Variants in ERBIN observed in about 807,000 individuals in gnomAD.
ERBIN encodes erbb2 interacting protein.
In ERBIN, 60 loss-of-function variants were observed where a neutral mutation model predicts 158.4. The observed-to-expected ratio is 0.38, with a 90% CI of 0.31 to 0.47. The LOEUF is 0.47. Ranked by LOEUF, ERBIN falls within the 20% of genes least tolerant of loss-of-function variation. The pLI, the probability that ERBIN is intolerant of heterozygous loss-of-function variation, is 0.99. For synonymous variants in ERBIN, 594 were observed against 557.2 expected, an observed-to-expected ratio of 1.07 and a Z score of -0.93; for missense variants, 1,610 against 1,648.0, an observed-to-expected ratio of 0.98 and a Z score of 0.40.
At chr5:65,996,346 C>A (rs1206231377) in intron 4 of ERBIN, among the ~76,000 whole-genome samples, 2 of 140,936 alleles carry the variant, frequency 1.4e-5, no homozygotes, top group Non-Finnish European at 1.5e-5. Context: ...GGTTTAATTT[C>A]ATTCTTCTGC....
chr5:65,977,554 C>T (rs1276002061), intron 1 of ERBIN, among the ~76,000 whole-genome samples: 6 of 146,234 alleles, frequency 4.1e-5, no homozygotes, highest in East Asian at 4.2e-4. Context: ...ACATCTCAGA[C>T]GATGGGCGGC....
At chr5:65,929,500 AC>A (rs1743092528) in intron 1 of ERBIN, among the ~76,000 whole-genome samples, 1 of 151,812 alleles carries the variant, frequency 6.6e-6, no homozygotes, top group Non-Finnish European at 1.5e-5. Flanking sequence ...CTCCTTACAT[AC>A]CCTACTTGGC....
chr5:66,025,576 A>G (rs1362251247), intron 11 of ERBIN, 24 bp downstream of exon 11: 1 of 1,530,424 alleles, frequency 6.5e-7, no homozygotes, highest in South Asian at 1.1e-5. Context: ...GAATGTATAC[A>G]CCCTCGAAGA....
At chr5:65,953,588 C>T (rs1561288742) in intron 1 of ERBIN, among the ~76,000 whole-genome samples, 1 of 152,140 alleles carries the variant, frequency 6.6e-6, no homozygotes, top group African/African-American at 2.4e-5. Context: ...GAAAATTCAA[C>T]TGGGATTTAT....
In ERBIN at chr5:66,044,296, G is replaced by T. The variant is rs748519248; in HGVS notation, c.1588G>T (p.Asp530Tyr). The T allele has an allele frequency of 1.3e-4, 209 of 1,591,628 alleles. No homozygotes were observed. Among genetic ancestry groups the T allele is most frequent in the Admixed American group, 2.8e-4 (15 of 53,298 alleles). Reference sequence around the variant, plus strand: ...TGAAGATCAACAAGATATAAATAAAGATGTGGGTGTGAAGGTTAGAAAATT... The same window carrying T: ...TGAAGATCAACAAGATATAAATAAATATGTGGGTGTGAAGGTTAGAAAATT... ...PHEDQQDINK[D>Y]VGVKTSESTT... Residue 530 changes from aspartate (D) to tyrosine (Y), a missense_variant, in exon 17 of 26, where the codon GAT becomes TAT. By Grantham distance (160) the Asp-to-Tyr change is radical. Coordinates refer to ENST00000284037, the MANE Select transcript of ERBIN (RefSeq NM_001253697.2).
intron 4 of ERBIN, among the ~76,000 whole-genome samples, chr5:66,002,900 T>C (rs960096487): frequency 1.3e-5 from 2 of 152,250 alleles, no homozygotes; most frequent in African/African-American, 4.8e-5. Context: ...TTATTTAAGA[T>C]AATGAAAGAA....
chr5:66,026,325 TG>T lies in ERBIN; in HGVS notation c.1045del (p.Val349CysfsTer22), dbSNP rs1363100579. On this transcript the variant is annotated frameshift_variant, in exon 13 of 26. Coordinates refer to ENST00000284037, the MANE Select transcript of ERBIN (RefSeq NM_001253697.2). LOFTEE classifies it high-confidence loss of function. ...PEIGSWKNIT[V>X]LFLHSNKLET... is the part of the protein sequence containing the mutation. ...AGATTGGAAGCTGGAAAAATATAAC[TG>T]TGCTGTTTCTCCATTCCAATAAACT... 6.3e-7 allele frequency: 1 copy of T among 1,590,978 alleles called. No homozygotes were observed. The highest frequency in any genetic ancestry group is 8.5e-7 in the Non-Finnish European group (1 of 1,171,068).
At chr5:65,991,984 A>C (rs1242578809) in intron 2 of ERBIN, among the ~76,000 whole-genome samples, 2 of 152,190 alleles carry the variant, frequency 1.3e-5, no homozygotes, top group Non-Finnish European at 2.9e-5. Flanking sequence ...CTGGTTAAGA[A>C]GACCTGAAAA....
chr5:66,061,341 T>C (rs1243078294), intron 21 of ERBIN, among the ~76,000 whole-genome samples: 3 of 152,102 alleles, frequency 2.0e-5, no homozygotes, highest in Non-Finnish European at 4.4e-5. Context: ...TAAAGTCTGT[T>C]TTATCGGAGA....
intron 4 of ERBIN, among the ~76,000 whole-genome samples, chr5:66,009,714 A>T (rs543087510): frequency 5.3e-5 from 8 of 152,304 alleles, no homozygotes; most frequent in African/African-American, 1.9e-4. Context: ...AGGATTGCCA[A>T]GTTTGTTTTA....
intron 23 of ERBIN, among the ~76,000 whole-genome samples, chr5:66,075,706 TC>T (rs1761921601): frequency 6.6e-6 from 1 of 152,202 alleles, no homozygotes; most frequent in African/African-American, 2.4e-5. Context: ...AAGGTAGAGA[TC>T]AAATGCTTTA....
intron 15 of ERBIN, among the ~76,000 whole-genome samples, chr5:66,039,211 A>G (rs1228329884): frequency 1.3e-5 from 2 of 152,002 alleles, no homozygotes; most frequent in Non-Finnish European, 1.5e-5. Flanking sequence ...TTTATAAATT[A>G]TACCACGGGC....
intron 21 of ERBIN, among the ~76,000 whole-genome samples, chr5:66,070,131 G>A (rs1286329973): frequency 2.6e-5 from 4 of 151,868 alleles, no homozygotes; most frequent in Admixed American, 6.6e-5. Flanking sequence ...TGCAACCTCC[G>A]CCTCCCGAGT....
rs1751865117 is a variant in ERBIN, at chr5:65,991,508, T to C, written c.-9-1202T>C. Among the ~76,000 whole-genome samples the C allele has an allele frequency of 3.3e-5, 5 of 152,350 alleles. No individual in the cohort carries two copies. The South Asian group carries it at 1.0e-3, about 32-fold the overall frequency. ...TAATTTTATTTATTCCTAAAATTGC[T>C]ATAAAATTGCCAATGTATTTGTGTG... On this transcript the variant is annotated intron_variant, in intron 2 of 25. Transcript: ENST00000284037.
chr5:65,930,827 C>G (rs1465398765), intron 1 of ERBIN, among the ~76,000 whole-genome samples: 3 of 152,176 alleles, frequency 2.0e-5, no homozygotes, highest in Non-Finnish European at 2.9e-5. Flanking sequence ...TCCTACCTTT[C>G]AAGTTAGATG....
intron 21 of ERBIN, among the ~76,000 whole-genome samples, chr5:66,071,067 T>C (rs1761484711): frequency 6.6e-6 from 1 of 152,158 alleles, no homozygotes; most frequent in Non-Finnish European, 1.5e-5. Flanking sequence ...AATAAAATAT[T>C]CAGGGGCCCT....
In ERBIN at chr5:65,992,797, C is replaced by T; in HGVS notation, c.79C>T (p.Leu27Phe). The stretch of plus-strand genomic sequence containing the variant: ...AGGGGAAGAGGAGACTGTCACTACT[C>T]TTGATTATTCTCATTGCAGCTTAGA... Reference protein sequence around the residue: ...LRGEEETVTTLDYSHCSLEQV... With the variant: ...LRGEEETVTTFDYSHCSLEQV... The change falls in exon 3 of 26, where the codon CTT becomes TTT. Residue 27 changes from leucine to phenylalanine, a missense_variant. Physicochemically the swap from Leu to Phe is conservative, Grantham distance 22 (BLOSUM62 0). Transcript: ENST00000284037. 1 of 1,613,804 alleles carries T rather than the reference C, an allele frequency of 6.2e-7. No individual in the cohort carries two copies.
chr5:66,071,310 G>A (rs923108690), intron 21 of ERBIN, among the ~76,000 whole-genome samples: 8 of 151,956 alleles, frequency 5.3e-5, no homozygotes, highest in African/African-American at 1.9e-4. Flanking sequence ...TCGAGGCTGC[G>A]GTGAGCCTTG....
intron 21 of ERBIN, among the ~76,000 whole-genome samples, chr5:66,065,029 T>G (rs1760838451): frequency 6.6e-6 from 1 of 152,120 alleles, no homozygotes; most frequent in African/African-American, 2.4e-5. Context: ...GTTCTGGTAG[T>G]TAAGGAAATG....
Sources: allele counts gnomAD v4.1 joint callset (sites outside exome capture counted in the v4.1 genomes callset), GRCh38; gene constraint gnomAD v4.1.1; transcripts MANE v1.5; gene names NCBI Gene and HGNC (gene_info 2026-07-23, HGNC 2026-07-21).